BICRA: variants seen among roughly 807,000 people sequenced by gnomAD.
BICRA encodes BRD4 interacting chromatin remodeling complex associated protein.
BICRA carries 31 observed loss-of-function variants against 96.9 expected under a neutral mutation model. The observed-to-expected ratio is 0.32, with a 90% confidence interval of 0.24 to 0.43. BICRA has a LOEUF of 0.43. BICRA is among the 20% of genes least tolerant of loss of function. BICRA has a pLI of 1.00. For missense variants in BICRA, 2,283 were observed against 2,190.3 expected (o/e 1.04, Z -0.84); for synonymous variants, 1,350 against 1,071.8 (o/e 1.26, Z -5.07).
At chr19:47,636,139 C>G (rs1033837395) in intron 1 of BICRA, among the ~76,000 whole-genome samples, 1 of 152,176 alleles carries the variant, frequency 6.6e-6, no homozygotes, top group African/African-American at 2.4e-5. Flanking sequence ...GCAAATATTT[C>G]AAAACTCCTA....
chr19:47,615,611 G>A (rs1278977301), intron 1 of BICRA: 4 of 149,046 alleles, frequency 2.7e-5, no homozygotes, highest in Non-Finnish European at 6.0e-5. Context: ...TACCTACTTG[G>A]TAAGGCTCTT....
intron 1 of BICRA, among the ~76,000 whole-genome samples, chr19:47,650,181 G>A (rs911026018): frequency 1.3e-5 from 2 of 151,994 alleles, no homozygotes; most frequent in Non-Finnish European, 2.9e-5. Context: ...ACCTAGGATG[G>A]AGTGCAGTGG....
At chr19:47,654,853 T>A (rs1198892029) in intron 1 of BICRA, among the ~76,000 whole-genome samples, 2 of 151,372 alleles carry the variant, frequency 1.3e-5, no homozygotes, top group Non-Finnish European at 2.9e-5. Context: ...ATAATTTTGG[T>A]CGTGTCAATG....
intron 1 of BICRA, among the ~76,000 whole-genome samples, chr19:47,630,991 G>C (rs1972214043): frequency 6.6e-6 from 1 of 152,124 alleles, no homozygotes; most frequent in Non-Finnish European, 1.5e-5. Context: ...GTTGGGACTC[G>C]ACATATTTCA....
At position 47,619,415 on chromosome 19, in the gene BICRA, C is replaced by T. The variant is rs1347318437; in HGVS notation, c.-108+10247C>T. Among the ~76,000 whole-genome samples, 7 of 151,846 alleles carry T rather than the reference C, an allele frequency of 4.6e-5. No homozygotes were observed. In the South Asian group the frequency reaches 6.2e-4, roughly 14 times the overall value. On this transcript the variant is annotated intron_variant, in intron 1 of 14. Coordinates refer to ENST00000594866, the MANE Select transcript of BICRA (RefSeq NM_001394372.1). ...CTGGGATTATAGGCGCCCGCCACCA[C>T]GCCCGGTTAGTTTTTGTATTTTTAG...
chr19:47,680,940 C>T lies in BICRA; in HGVS notation c.1770C>T (p.Pro590=), dbSNP rs747086704. The change falls in exon 6 of 15, where the codon CCC becomes CCT. Residue 590 remains proline, a synonymous_variant. Coordinates refer to ENST00000594866, the MANE Select transcript of BICRA (RefSeq NM_001394372.1). ...TTVLQGVTLP[P]SAVAMLNTPD... is the part of the protein sequence containing the mutation. ...TCCTCCAGGGGGTCACCCTGCCCCC[C>T]AGCGCCGTGGCCATGCTCAACACCC... The T allele has an allele frequency of 2.0e-6, 3 of 1,478,574 alleles. No homozygotes were observed. The highest frequency in any genetic ancestry group is 2.7e-5 in the East Asian group (1 of 36,666). The allele number at this position is 1,478,574 out of a possible 1,614,324, so 91.6% of individuals were successfully genotyped here.
At chr19:47,642,241 C>T (rs1407134795) in intron 1 of BICRA, among the ~76,000 whole-genome samples, 3 of 152,196 alleles carry the variant, frequency 2.0e-5, no homozygotes, top group Non-Finnish European at 4.4e-5. Flanking sequence ...CATCCATTCA[C>T]CTGCTGATGG....
chr19:47,680,796 C>G lies in BICRA; in HGVS notation c.1626C>G (p.Leu542=). The change falls in exon 6 of 15, where the codon CTC becomes CTG. Residue 542 remains leucine, a synonymous_variant. Transcript: ENST00000594866. ...PHSGAHSAHI[L]SAAPIQVGQP... Reference sequence around the variant, plus strand: ...CCGGGGCCCACAGCGCGCACATCCTCTCCGCCGCTCCCATCCAGGTGGGCC... The same window carrying G: ...CCGGGGCCCACAGCGCGCACATCCTGTCCGCCGCTCCCATCCAGGTGGGCC... 1.9e-6 allele frequency: 3 copies of G among 1,608,902 alleles called. No individual in the cohort carries two copies. The highest frequency in any genetic ancestry group is 2.5e-6 in the Non-Finnish European group (3 of 1,178,874).
Position 47,680,038 on chromosome 19 carries a change from C to A in BICRA, c.868C>A (p.Gln290Lys), listed in dbSNP as rs1210103414. The A allele has an allele frequency of 1.3e-6, 2 of 1,550,848 alleles. No individual in the cohort carries two copies. The highest frequency in any genetic ancestry group is 1.7e-6 in the Non-Finnish European group (2 of 1,159,532). ...VSPQGAGLVI[Q>K]KNLSAAVATT... Reference sequence around the variant, plus strand: ...GCCACAGGGGGCTGGCCTGGTCATCCAGAAGAACCTCTCGGCCGCTGTGGC... The same window carrying A: ...GCCACAGGGGGCTGGCCTGGTCATCAAGAAGAACCTCTCGGCCGCTGTGGC... Residue 290 changes from glutamine (Q) to lysine (K), a missense_variant, in exon 6 of 15, where the codon CAG (glutamine) becomes AAG (lysine). Transcript: ENST00000594866.
intron 1 of BICRA, among the ~76,000 whole-genome samples, chr19:47,626,937 G>A (rs189257321): frequency 3.5e-4 from 53 of 152,040 alleles, no homozygotes; most frequent in Admixed American, 2.9e-3. Context: ...AGTCAGGCTC[G>A]TCTTGAACTC....
rs116094754 is a variant in BICRA, at chr19:47,674,026, A to G, written c.84+264A>G. Among the ~76,000 whole-genome samples the G allele has an allele frequency of 7.7e-3, 1,173 of 152,294 alleles. 8 individuals are homozygous for G. Among genetic ancestry groups the G allele is most frequent in the African/African-American group, 0.016 (664 of 41,558 alleles). ...ATGTAGAGTATGATAAAAAATAATA[A>G]TGTCATTTGCACAATGAAAGAGGTT... On this transcript the variant is annotated intron_variant, in intron 4 of 14. Coordinates refer to ENST00000594866, the MANE Select transcript of BICRA (RefSeq NM_001394372.1).
chr19:47,684,715 G>T (rs1973118708), intron 7 of BICRA, among the ~76,000 whole-genome samples: 1 of 152,204 alleles, frequency 6.6e-6, no homozygotes, highest in Admixed American at 6.5e-5. Context: ...AGAATAATTA[G>T]CTTGCCCAAG....
chr19:47,650,370 A>C (rs756778587), intron 1 of BICRA, among the ~76,000 whole-genome samples: 1 of 152,094 alleles, frequency 6.6e-6, no homozygotes, highest in Non-Finnish European at 1.5e-5. Context: ...CGACCTCGTG[A>C]TCCTCCCGCC....
intron 1 of BICRA, 46 bp downstream of exon 1, chr19:47,609,214 C>T (rs903192717): frequency 2.0e-5 from 3 of 150,606 alleles, no homozygotes; most frequent in African/African-American, 7.3e-5. Context: ...TCTCTTAACT[C>T]TCTCTACCTG....
intron 5 of BICRA, among the ~76,000 whole-genome samples, chr19:47,678,755 ACTGATGGGT>A (rs748515667): frequency 2.0e-5 from 3 of 150,972 alleles, no homozygotes; most frequent in Non-Finnish European, 2.9e-5. Context: ...ATTACATTTT[ACTGATGGGT>A]ACAGATGAAG....
In BICRA at chr19:47,625,249, C is replaced by T. The variant is rs146601508; in HGVS notation, c.-108+16081C>T. Among the ~76,000 whole-genome samples, 1,029 of 151,522 alleles carry T rather than the reference C, an allele frequency of 6.8e-3. 17 individuals carry two copies. The highest frequency in any genetic ancestry group is 0.023 in the African/African-American group (959 of 41,254). On this transcript the variant is annotated intron_variant, in intron 1 of 14. Transcript: ENST00000594866. ...TCCTGACCTCCAGTGATTTGCCCTC[C>T]TCAGCCTCCCAAAGTGTTGAGATTA...
intron 1 of BICRA, among the ~76,000 whole-genome samples, chr19:47,629,133 C>CT (rs1161166512): frequency 6.6e-6 from 1 of 152,182 alleles, no homozygotes; most frequent in African/African-American, 2.4e-5. Flanking sequence ...TCCCAAGTAG[C>CT]TGAGACTACA....
At chr19:47,625,364 G>A (rs1717618833) in intron 1 of BICRA, among the ~76,000 whole-genome samples, 1 of 149,442 alleles carries the variant, frequency 6.7e-6, no homozygotes, top group Non-Finnish European at 1.5e-5. Context: ...TGGCGTGATT[G>A]TGGTTCACTG....
rs1274412015 is a variant in BICRA at position 47,679,944 on chromosome 19, C to G, written c.774C>G (p.Pro258=). Residue 258 remains proline (P), a synonymous_variant, in exon 6 of 15, where the codon CCC becomes CCG. Coordinates refer to ENST00000594866, the MANE Select transcript of BICRA (RefSeq NM_001394372.1). ...CCCAGCTCCTGGCCAAGCAGGTGCCCGTCAGCGGCTACCTGGCCTCGGCGG... is the reference window on the plus strand; with the variant it reads ...CCCAGCTCCTGGCCAAGCAGGTGCCGGTCAGCGGCTACCTGGCCTCGGCGG... The part of the protein sequence containing the change: ...PTSQLLAKQV[P]VSGYLASAAG... 2 of 1,506,364 alleles carry G rather than the reference C, an allele frequency of 1.3e-6. No homozygotes were observed. The highest frequency in any genetic ancestry group is 4.3e-5 in the Admixed American group (2 of 46,014). The allele number at this position is 1,506,364 out of a possible 1,614,324, so 93.3% of individuals were successfully genotyped here. A position where few individuals can be genotyped will look rare whatever the true frequency, so the allele number is the denominator to read the frequency against.
Sources: allele counts gnomAD v4.1 joint callset (sites outside exome capture counted in the v4.1 genomes callset), GRCh38; gene constraint gnomAD v4.1.1; transcripts MANE v1.5; gene names NCBI Gene and HGNC (gene_info 2026-07-23, HGNC 2026-07-21).